Variants in SOS1 observed in about 807,000 individuals in gnomAD.
SOS1 encodes the protein SOS Ras/Rac guanine nucleotide exchange factor 1.
A neutral mutation model predicts 157.6 loss-of-function variants in SOS1; 25 were observed. That is an observed-to-expected ratio of 0.16 (90% confidence interval 0.12 to 0.22). The LOEUF is 0.22. Among genes scored for constraint, SOS1 ranks in the 10% least tolerant of loss-of-function variants. The probability of loss-of-function intolerance (pLI) is 1.00; values close to 1 mark genes in which losing one functional copy is unlikely to be tolerated. For synonymous variants in SOS1, 528 were observed against 534.0 expected, an observed-to-expected ratio of 0.99 and a Z score of 0.16; for missense variants, 1,237 against 1,599.1, an observed-to-expected ratio of 0.77 and a Z score of 3.86.
intron 6 of SOS1, among the ~76,000 whole-genome samples, chr2:39,036,982 T>C (rs1390399645): frequency 1.3e-5 from 2 of 152,200 alleles, no homozygotes. Context: ...CAGATTGCTT[T>C]TTAAGAAATG....
At position 38,987,412 on chromosome 2, in the gene SOS1, C is replaced by T. The variant is rs1177357873; in HGVS notation, c.3510+61G>A. ...TCCTAGTGAGAACTAAACTAGACAG[C>T]CGTTTATTATAATGAACTGTAATGA... On this transcript the variant is annotated intron_variant, in intron 22 of 22. Transcript: ENST00000402219. 2.3e-5 allele frequency: 19 copies of T among 837,724 alleles called. No individual in the cohort carries two copies. The Admixed American group carries it at 3.3e-4, about 15-fold the overall frequency. The allele number at this position is 837,724 out of a possible 1,614,324, so 51.9% of individuals were successfully genotyped here.
At chr2:38,999,562 A>G (rs550690326) in intron 17 of SOS1, among the ~76,000 whole-genome samples, 1 of 152,362 alleles carries the variant, frequency 6.6e-6, no homozygotes, top group African/African-American at 2.4e-5. Context: ...ATACATTCAT[A>G]AGACAAAGTG....
chr2:38,988,436 A>G (rs1009984387), intron 21 of SOS1, among the ~76,000 whole-genome samples: 1 of 152,186 alleles, frequency 6.6e-6, no homozygotes, highest in Non-Finnish European at 1.5e-5. Context: ...TATACCTACT[A>G]TAAAAAAAGA....
intron 3 of SOS1, among the ~76,000 whole-genome samples, chr2:39,057,925 T>C (rs529560881): frequency 6.6e-6 from 1 of 152,144 alleles, no homozygotes; most frequent in Admixed American, 6.5e-5. Flanking sequence ...GAACTTGGCA[T>C]AGAAGTTACT....
chr2:39,122,790 C>T (rs78018832), upstream of SOS1, among the ~76,000 whole-genome samples: 11 of 151,764 alleles, frequency 7.2e-5, no homozygotes, highest in Non-Finnish European at 1.2e-4. Context: ...GTCATCCACC[C>T]GCCTCGGCCT....
chr2:39,023,806 G>A (rs1427923150), intron 9 of SOS1: 3 of 531,194 alleles, frequency 5.6e-6, no homozygotes, highest in Non-Finnish European at 1.0e-5. Flanking sequence ...TCTTGTCTGG[G>A]AGTATGCAAG....
rs974302565 is a variant in SOS1, at chr2:38,984,428, C to A, written c.*1396G>T. 2.0e-5 allele frequency: 3 copies of A among 152,080 alleles called. No individual in the cohort carries two copies. The highest frequency in any genetic ancestry group is 3.8e-4 in the East Asian group (2 of 5,196). The allele number at this position is 152,080 out of a possible 1,614,324, so 9.4% of individuals were successfully genotyped here. Reference sequence around the variant, plus strand: ...GAATAGTTTTGATAAAGCAGAAAACCTCAAGCAAGGTAGAATGTTCAATAT... The same window carrying A: ...GAATAGTTTTGATAAAGCAGAAAACATCAAGCAAGGTAGAATGTTCAATAT... On this transcript the variant is annotated 3_prime_UTR_variant, in exon 23 of 23. Coordinates refer to ENST00000402219, the MANE Select transcript of SOS1 (RefSeq NM_005633.4).
intron 16 of SOS1, among the ~76,000 whole-genome samples, chr2:39,006,793 AT>A (rs1669295641): frequency 6.6e-6 from 1 of 152,178 alleles, no homozygotes; most frequent in Non-Finnish European, 1.5e-5. Context: ...TATCTTACAA[AT>A]TAAGTGCCGA....
intron 1 of SOS1, among the ~76,000 whole-genome samples, chr2:39,110,026 TTGTGTGTGTGTGCG>T (rs1358155365): frequency 1.2e-3 from 158 of 134,254 alleles, no homozygotes; most frequent in Middle Eastern, 3.7e-3. Context: ...ACAGATACAG[TTGTGTGTGTGTGCG>T]TGTGTGTGTG....
rs1169700752 is a variant in SOS1, at chr2:38,997,355, C to G, written c.2862G>C (p.Glu954Asp). The part of the protein sequence containing the change: ...NPEVLKRHGK[E>D]LINFSKRRKV... ...TCCTCCTTTTGCTAAAGTTTATAAG[C>G]TCTTTTCCATGTCTTTTTAGGACCT... Residue 954 changes from glutamate to aspartate, a missense_variant, in exon 18 of 23, where the codon GAG becomes GAC. By Grantham distance (45) the Glu-to-Asp change is conservative (BLOSUM62 2). This residue lies in a region of SOS1 where 105 missense variants were observed against 236.0 expected (regional missense o/e 0.44). Transcript: ENST00000402219. 1.2e-6 allele frequency: 2 copies of G among 1,612,840 alleles called. No homozygotes were observed. Among genetic ancestry groups the G allele is most frequent in the Non-Finnish European group, 1.7e-6 (2 of 1,179,088 alleles).
intron 17 of SOS1, among the ~76,000 whole-genome samples, chr2:39,004,190 C>T (rs555019366): frequency 5.3e-5 from 8 of 152,020 alleles, no homozygotes; most frequent in Admixed American, 2.6e-4. Flanking sequence ...CCAAGGTGGG[C>T]GGATCATGAA....
chr2:39,059,265 T>C (rs1037444452), intron 2 of SOS1, among the ~76,000 whole-genome samples: 4 of 152,190 alleles, frequency 2.6e-5, no homozygotes, highest in African/African-American at 4.8e-5. Context: ...ACTTCAAAAC[T>C]ATTTACAAAT....
rs1372284070 is a variant in SOS1 at position 38,986,011 on chromosome 2, T to C, written c.3815A>G (p.His1272Arg). 1 of 1,613,934 alleles carries C rather than the reference T, an allele frequency of 6.2e-7. No homozygotes were observed. The highest frequency in any genetic ancestry group is 8.5e-7 in the Non-Finnish European group (1 of 1,179,878). Residue 1272 changes from histidine (H) to arginine (R), a missense_variant, in exon 23 of 23, where the codon CAT becomes CGT. His to Arg is a conservative substitution (Grantham distance 29). Coordinates refer to ENST00000402219, the MANE Select transcript of SOS1 (RefSeq NM_005633.4). The stretch of plus-strand genomic sequence containing the variant: ...TTGTGTCAATGGTGGTGATGGCAGA[T>C]GCCTTCTTGTGCCGTGAGGAGAAGG... ...QTPSPHGTRR[H>R]LPSPPLTQEV...
At chr2:39,079,733 T>A (rs1232942157) in intron 1 of SOS1, among the ~76,000 whole-genome samples, 4 of 152,162 alleles carry the variant, frequency 2.6e-5, no homozygotes, top group Non-Finnish European at 5.9e-5. Context: ...GACCTCGTGA[T>A]CTGCCCACCT....
intron 5 of SOS1, among the ~76,000 whole-genome samples, chr2:39,051,850 CG>C (rs1671030189): frequency 6.6e-6 from 1 of 151,998 alleles, no homozygotes; most frequent in Admixed American, 6.6e-5. Flanking sequence ...TCAAAGTATA[CG>C]AAAAATCTAG....
chr2:39,037,907 C>T (rs1224729044), intron 6 of SOS1, among the ~76,000 whole-genome samples: 1 of 151,664 alleles, frequency 6.6e-6, no homozygotes, highest in Non-Finnish European at 1.5e-5. Context: ...ACTATTGAGA[C>T]CAACAGCTCA....
intron 1 of SOS1, among the ~76,000 whole-genome samples, chr2:39,075,939 G>A (rs1028004757): frequency 5.3e-5 from 8 of 152,138 alleles, no homozygotes; most frequent in Non-Finnish European, 1.2e-4. Context: ...AATCATTAAA[G>A]AAATTGTATC....
chr2:39,070,736 G>C (rs1181078368), intron 1 of SOS1, among the ~76,000 whole-genome samples: 1 of 152,182 alleles, frequency 6.6e-6, no homozygotes, highest in Non-Finnish European at 1.5e-5. Context: ...AGAAAATGTA[G>C]CTATAATTGG....
rs1673851878 is a variant in SOS1, at chr2:39,120,789, C to A, written c.-367G>T. On this transcript the variant is annotated 5_prime_UTR_variant, in exon 1 of 23. Transcript: ENST00000402219. ...GCTGCACTCCCGGGCCCGGTCTGGC[C>A]CCGCGGCGGAGCTGGCGGCTGGGGG... 6.7e-6 allele frequency among the ~76,000 whole-genome samples: 1 copy of A among 149,542 alleles called. No individual in the cohort carries two copies. The highest frequency in any genetic ancestry group is 2.0e-4 in the East Asian group (1 of 5,100).
Sources: gnomAD v4.1 joint callset for allele counts (sites outside exome capture counted in the v4.1 genomes callset) on GRCh38, gnomAD v4.1.1 for gene constraint, gnomAD v4.1.1 regional missense constraint, MANE v1.5 for transcripts, NCBI Gene and HGNC (gene_info 2026-07-23, HGNC 2026-07-21) for gene names.